The following CSMD3 variants were observed in gnomAD, a reference collection of about 807,000 sequenced individuals.
CSMD3 encodes the protein CUB and Sushi multiple domains 3.
A neutral mutation model predicts 435.2 loss-of-function variants in CSMD3; 177 were observed. The observed-to-expected ratio is 0.41, with a 90% CI of 0.36 to 0.46. The LOEUF (loss-of-function observed/expected upper bound fraction) is 0.46. Among genes scored for constraint, CSMD3 ranks in the 20% least tolerant of loss-of-function variants. The pLI, the probability that CSMD3 is intolerant of heterozygous loss-of-function variation, is 0.34. For missense variants in CSMD3, 4,265 were observed against 4,504.6 expected (o/e 0.95, Z 1.52); for synonymous variants, 1,656 against 1,520.5 (o/e 1.09, Z -2.07).
intron 31 of CSMD3, among the ~76,000 whole-genome samples, chr8:112,490,614 G>GT (rs1382530859): frequency 6.6e-6 from 1 of 151,864 alleles, no homozygotes; most frequent in Admixed American, 6.6e-5. Context: ...ATAATCTATA[G>GT]TTTTTTGTGT....
At chr8:112,338,802 T>C (rs1824814853) in intron 42 of CSMD3, among the ~76,000 whole-genome samples, 1 of 152,160 alleles carries the variant, frequency 6.6e-6, no homozygotes, top group Admixed American at 6.5e-5. Flanking sequence ...TAGAAAGAGT[T>C]CTTATTCCAA....
rs540269212 is a variant in CSMD3, at chr8:112,380,429, C to T, written c.6059G>A (p.Ser2020Asn). ...SGTTIPHLLNSTSNNLYLNFQ... is the reference protein window; with the variant it reads ...SGTTIPHLLNNTSNNLYLNFQ... Reference sequence around the variant, plus strand: ...ATTTAGATACAGATTATTAGACGTACTATTCAAAAGATGGGGTATTGTTGT... The same window carrying T: ...ATTTAGATACAGATTATTAGACGTATTATTCAAAAGATGGGGTATTGTTGT... The change falls in exon 38 of 71, where the codon AGT becomes AAT. Residue 2020 changes from serine (S) to asparagine (N), a missense_variant. Transcript: ENST00000297405. The T allele has an allele frequency of 1.3e-6, 2 of 1,594,530 alleles. No individual in the cohort carries two copies. The highest frequency in any genetic ancestry group is 1.3e-5 in the African/African-American group (1 of 74,556).
At chr8:113,355,669 T>C (rs573064789) in intron 1 of CSMD3, among the ~76,000 whole-genome samples, 20 of 146,838 alleles carry the variant, frequency 1.4e-4, no homozygotes, top group African/African-American at 4.8e-4. Context: ...AGCACAAATA[T>C]AAATATACAT....
At chr8:113,231,997 T>A (rs1425682720) in intron 3 of CSMD3, among the ~76,000 whole-genome samples, 1 of 151,540 alleles carries the variant, frequency 6.6e-6, no homozygotes, top group Admixed American at 6.6e-5. Context: ...TTATAAGACT[T>A]TTTTTCATCA....
chr8:112,332,371 A>G (rs755771136), intron 45 of CSMD3, among the ~76,000 whole-genome samples: 2 of 152,180 alleles, frequency 1.3e-5, no homozygotes, highest in Non-Finnish European at 2.9e-5. Flanking sequence ...AACCAAGAGT[A>G]TTTATGATGG....
chr8:112,811,379 A>G (rs2079223894), intron 12 of CSMD3, among the ~76,000 whole-genome samples: 1 of 149,096 alleles, frequency 6.7e-6, no homozygotes, highest in Non-Finnish European at 1.5e-5. Context: ...TTTCTTTCAG[A>G]TATGTGTAAA....
chr8:112,965,218 C>T (rs926098360), intron 7 of CSMD3, among the ~76,000 whole-genome samples: 6 of 151,952 alleles, frequency 3.9e-5, no homozygotes, highest in Non-Finnish European at 7.4e-5. Flanking sequence ...TCACATACGC[C>T]ACATTCACTG....
At chr8:113,303,019 C>G (rs1332624663) in intron 2 of CSMD3, among the ~76,000 whole-genome samples, 1 of 82,682 alleles carries the variant, frequency 1.2e-5, no homozygotes, top group African/African-American at 5.2e-5. Context: ...ACCCCATCAT[C>G]TCAGCCCAAA....
Position 113,345,233 on chromosome 8 carries a change from G to T in CSMD3, c.179-30440C>A, listed in dbSNP as rs184212881. Among the ~76,000 whole-genome samples the T allele has an allele frequency of 5.1e-3, 778 of 152,158 alleles. 11 individuals are homozygous for T. The highest frequency in any genetic ancestry group is 0.018 in the African/African-American group (751 of 41,528). ...ACCTACTTTAATATTACATTCAAGA[G>T]ATAAGTACTGTGAAAGGTTAATTGA... is the stretch of plus-strand genomic sequence containing the variant. On this transcript the variant is annotated intron_variant, in intron 1 of 70. Transcript: ENST00000297405.
At chr8:112,491,285 T>C (rs1366557449) in intron 31 of CSMD3, among the ~76,000 whole-genome samples, 2 of 152,194 alleles carry the variant, frequency 1.3e-5, no homozygotes, top group Admixed American at 6.6e-5. Flanking sequence ...TGCATGCAGG[T>C]AAATATATAC....
At chr8:112,229,962 G>T (rs1396665198) in intron 69 of CSMD3, among the ~76,000 whole-genome samples, 2 of 151,770 alleles carry the variant, frequency 1.3e-5, no homozygotes, top group African/African-American at 4.8e-5. Context: ...ATTTGAGGAA[G>T]ATTTCATAAT....
intron 5 of CSMD3, among the ~76,000 whole-genome samples, chr8:113,072,985 G>C (rs984634274): frequency 2.0e-5 from 3 of 150,326 alleles, no homozygotes; most frequent in Non-Finnish European, 4.4e-5. Flanking sequence ...CTTTGTTACT[G>C]ATCTATTTCA....
chr8:113,027,805 A>T (rs541750706), intron 5 of CSMD3, among the ~76,000 whole-genome samples: 1 of 152,086 alleles, frequency 6.6e-6, no homozygotes, highest in African/African-American at 2.4e-5. Context: ...TATTTCCAGG[A>T]TCTATCCTTT....
At chr8:112,285,562 AAT>A (rs1162828655) in intron 58 of CSMD3, among the ~76,000 whole-genome samples, 1 of 152,134 alleles carries the variant, frequency 6.6e-6, no homozygotes, top group African/African-American at 2.4e-5. Context: ...TTACAAAACC[AAT>A]ATGTTTGGTA....
intron 41 of CSMD3, among the ~76,000 whole-genome samples, chr8:112,343,177 T>G (rs960367858): frequency 1.3e-5 from 2 of 151,518 alleles, no homozygotes; most frequent in African/African-American, 4.8e-5. Context: ...TAAAGTTGGT[T>G]TTCAAAATCA....
intron 27 of CSMD3, among the ~76,000 whole-genome samples, chr8:112,544,512 T>A (rs1009510931): frequency 5.9e-5 from 9 of 152,318 alleles, no homozygotes; most frequent in Admixed American, 5.9e-4. Context: ...GCTAAATAAA[T>A]GATCAGTGCA....
chr8:112,662,120 C>T (rs542088538), intron 17 of CSMD3, among the ~76,000 whole-genome samples: 13 of 152,078 alleles, frequency 8.5e-5, no homozygotes, highest in Non-Finnish European at 1.6e-4. Context: ...AGATTCAATG[C>T]CATCCCCATC....
chr8:112,764,142 G>T (rs1409142473), intron 13 of CSMD3, among the ~76,000 whole-genome samples: 1 of 151,346 alleles, frequency 6.6e-6, no homozygotes, highest in Non-Finnish European at 1.5e-5. Context: ...ACTAAGAAAT[G>T]GAAATTTTAG....
intron 4 of CSMD3, among the ~76,000 whole-genome samples, chr8:113,113,344 A>G (rs568028340): frequency 7.8e-4 from 119 of 152,374 alleles, no homozygotes; most frequent in African/African-American, 2.7e-3. Context: ...AAAATTAAAT[A>G]CAGCAATGAA....
Sources: allele counts gnomAD v4.1 joint callset (sites outside exome capture counted in the v4.1 genomes callset), GRCh38; gene constraint gnomAD v4.1.1; transcripts MANE v1.5; gene names NCBI Gene and HGNC (gene_info 2026-07-23, HGNC 2026-07-21).